EXOC5: variants seen among roughly 807,000 people sequenced by gnomAD.
EXOC5 encodes exocyst complex component 5, also known as SEC10-like 1.
A neutral mutation model predicts 90.8 loss-of-function variants in EXOC5; 17 were observed. The observed-to-expected ratio is 0.19, with a 90% CI of 0.13 to 0.28. The LOEUF is 0.28. Among genes scored for constraint, EXOC5 ranks in the 10% least tolerant of loss-of-function variants. The pLI is 1.00. For missense variants in EXOC5, 569 were observed against 830.6 expected, an observed-to-expected ratio of 0.69 and a Z score of 3.87; for synonymous variants, 260 against 270.0, an observed-to-expected ratio of 0.96 and a Z score of 0.36.
At chr14:57,224,341 T>C (rs1243123506) in intron 12 of EXOC5, among the ~76,000 whole-genome samples, 2 of 151,974 alleles carry the variant, frequency 1.3e-5, no homozygotes, top group Admixed American at 6.6e-5. Flanking sequence ...TCTAGCCAGA[T>C]TGATCAGAAA....
At chr14:57,216,218 C>T (rs1882967773) in intron 15 of EXOC5, among the ~76,000 whole-genome samples, 1 of 151,372 alleles carries the variant, frequency 6.6e-6, no homozygotes, top group Admixed American at 6.6e-5. Context: ...CCTGTCCATA[C>T]TACTCAAAGC....
rs780936039 is a variant in EXOC5 at position 57,204,188 on chromosome 14, G to A, written c.*4421C>T. Reference sequence around the variant, plus strand: ...TCAAATAATAATGATAAAATACCTCGGGTCTAGTTCAAAAATAGGAATTTT... The same window carrying A: ...TCAAATAATAATGATAAAATACCTCAGGTCTAGTTCAAAAATAGGAATTTT... On this transcript the variant is annotated 3_prime_UTR_variant, in exon 18 of 18. Transcript: ENST00000621441. 5.9e-5 allele frequency: 9 copies of A among 152,034 alleles called. No homozygotes were observed. Among genetic ancestry groups the A allele is most frequent in the African/African-American group, 7.2e-5 (3 of 41,420 alleles). 9.4% of individuals were successfully genotyped at this position (152,034 alleles called of 1,614,324 possible). A position where few individuals can be genotyped will look rare whatever the true frequency, so the allele number is the denominator to read the frequency against.
intron 1 of EXOC5, among the ~76,000 whole-genome samples, chr14:57,258,368 TA>T (rs1291040459): frequency 6.6e-6 from 1 of 152,004 alleles, no homozygotes; most frequent in Non-Finnish European, 1.5e-5. Flanking sequence ...TATGCAGCCA[TA>T]AAAAAGGATG....
At chr14:57,250,290 A>ACC (rs1487627949) in intron 1 of EXOC5, among the ~76,000 whole-genome samples, 1 of 152,136 alleles carries the variant, frequency 6.6e-6, no homozygotes, top group East Asian at 1.9e-4. Context: ...CAAGAGAGGT[A>ACC]ATGAGACTCC....
intron 5 of EXOC5, among the ~76,000 whole-genome samples, chr14:57,238,262 T>TCACCAC (rs1213713869): frequency 9.8e-6 from 1 of 102,058 alleles, no homozygotes; most frequent in African/African-American, 3.6e-5. Context: ...ACACTCATAT[T>TCACCAC]CACCACCACT....
chr14:57,218,919 C>T (rs1055387564), intron 14 of EXOC5, among the ~76,000 whole-genome samples: 6 of 151,892 alleles, frequency 4.0e-5, no homozygotes, highest in Admixed American at 3.9e-4. Flanking sequence ...AAAATCTGTC[C>T]CATTAATCTC....
chr14:57,214,629 T>C (rs1174493408), intron 15 of EXOC5, among the ~76,000 whole-genome samples: 1 of 152,034 alleles, frequency 6.6e-6, no homozygotes, highest in Non-Finnish European at 1.5e-5. Flanking sequence ...GTGGTACCAA[T>C]AACGTACATG....
At chr14:57,267,111 GA>G (rs956782957) in intron 1 of EXOC5, among the ~76,000 whole-genome samples, 1 of 152,008 alleles carries the variant, frequency 6.6e-6, no homozygotes, top group African/African-American at 2.4e-5. Context: ...ATAAAACAAG[GA>G]ACCACAGCAC....
rs141084439 is a variant in EXOC5, at chr14:57,237,475, C to T, written c.531-109G>A. ...TGGGTGCAGGAGATACGAGAACCAT[C>T]TGTACTATCTTTGCAACTTTTCTGT... is the stretch of plus-strand genomic sequence containing the variant. On this transcript the variant is annotated intron_variant, in intron 5 of 17. Transcript: ENST00000621441. 792 of 625,370 alleles carry T rather than the reference C, an allele frequency of 1.3e-3. 9 individuals are homozygous for T. In the East Asian group the frequency reaches 0.024, roughly 19 times the overall value. 38.7% of individuals were successfully genotyped at this position (625,370 alleles called of 1,614,324 possible).
At chr14:57,221,116 G>A (rs1324984628) in intron 13 of EXOC5, among the ~76,000 whole-genome samples, 1 of 152,160 alleles carries the variant, frequency 6.6e-6, no homozygotes, top group Non-Finnish European at 1.5e-5. Flanking sequence ...TTTAGCTAGG[G>A]TGATGATCAG....
chr14:57,235,981 T>C (rs1408560790), intron 6 of EXOC5, among the ~76,000 whole-genome samples, 161 bp from the exon 7 acceptor site: 2 of 152,202 alleles, frequency 1.3e-5, no homozygotes, highest in Non-Finnish European at 2.9e-5. Flanking sequence ...GCCCCTGTAA[T>C]ATACTGTGGC....
intron 1 of EXOC5, among the ~76,000 whole-genome samples, chr14:57,261,765 G>C (rs1447516676): frequency 6.6e-6 from 1 of 152,214 alleles, no homozygotes; most frequent in Non-Finnish European, 1.5e-5. Flanking sequence ...TTTACTGTTA[G>C]CTGGGAGTTC....
chr14:57,223,150 T>A (rs946544970), intron 12 of EXOC5, among the ~76,000 whole-genome samples: 46 of 152,060 alleles, frequency 3.0e-4, no homozygotes, highest in African/African-American at 1.1e-3. Context: ...CATAAAGTGT[T>A]TTTAGCACAG....
rs1883969892 is a variant in EXOC5, at chr14:57,244,375, A to G, written c.271-16T>C. On this transcript the variant is annotated splice_polypyrimidine_tract_variant and intron_variant, in intron 3 of 17. Transcript: ENST00000621441. ...GGAAGGCAACCTAGGAAAAATGTGCATAAGCATAAAATACAATCAGTGTGC... is the reference window on the plus strand; with the variant it reads ...GGAAGGCAACCTAGGAAAAATGTGCGTAAGCATAAAATACAATCAGTGTGC... 2 of 1,588,118 alleles carry G rather than the reference A, an allele frequency of 1.3e-6. No homozygotes were observed. Among genetic ancestry groups the G allele is most frequent in the Non-Finnish European group, 1.7e-6 (2 of 1,156,878 alleles).
intron 8 of EXOC5, 31 bp from the exon 9 acceptor site, chr14:57,233,914 CAT>C: frequency 6.2e-7 from 1 of 1,601,160 alleles, no homozygotes. Context: ...ATACAGTGAA[CAT>C]ATAATTTCTA....
chr14:57,208,976 A>T (rs2139605053), intron 17 of EXOC5, among the ~76,000 whole-genome samples, 179 bp from the exon 18 acceptor site: 1 of 152,306 alleles, frequency 6.6e-6, no homozygotes, highest in Non-Finnish European at 1.5e-5. Context: ...AGTTAAATAA[A>T]CTTGCTATAA....
rs375429284 is a variant in EXOC5, at chr14:57,249,158, A to G, written c.28-1446T>C. ...TATTTTACATACTTTATCATATTCA[A>G]TATGTACTATGGTAAGTAGTAAGTC... On this transcript the variant is annotated intron_variant, in intron 1 of 17. Coordinates refer to ENST00000621441, the MANE Select transcript of EXOC5 (RefSeq NM_006544.4). Among the ~76,000 whole-genome samples, 24 of 152,262 alleles carry G rather than the reference A, an allele frequency of 1.6e-4. No individual in the cohort carries two copies. The East Asian group carries it at 3.3e-3, about 21-fold the overall frequency.
At position 57,219,412 on chromosome 14, in the gene EXOC5, T is replaced by A. The variant is rs574733734; in HGVS notation, c.1436A>T (p.Asn479Ile). Residue 479 changes from asparagine to isoleucine, a missense_variant, in exon 14 of 18, where the codon AAT (asparagine) becomes ATT (isoleucine). Around this residue, in one of 9 missense-constraint regions of EXOC5, gnomAD observed 34 missense variants for 101.1 expected, o/e 0.34. Coordinates refer to ENST00000621441, the MANE Select transcript of EXOC5 (RefSeq NM_006544.4). The stretch of plus-strand genomic sequence containing the variant: ...TTGCACAACGTCCAAAAAATAAAGA[T>A]TTGCATTCCTAGAATCTGAAGAGGG... ...GIPSSDSRNANLYFLDVVQQA... is the reference protein window; with the variant it reads ...GIPSSDSRNAILYFLDVVQQA... The A allele has an allele frequency of 1.6e-4, 255 of 1,571,336 alleles. 2 individuals are homozygous for A. The South Asian group carries it at 3.0e-3, about 18-fold the overall frequency.
Position 57,233,525 on chromosome 14 carries a change from T to C in EXOC5, c.855+218A>G, listed in dbSNP as rs184271369. ...TACTACTACGAATACTACACAAATT[T>C]CAAGCATGTTCTCTGATGATACTTA... is the stretch of plus-strand genomic sequence containing the variant. On this transcript the variant is annotated intron_variant, in intron 9 of 17. Coordinates refer to ENST00000621441, the MANE Select transcript of EXOC5 (RefSeq NM_006544.4). Among the ~76,000 whole-genome samples, 146 of 152,220 alleles carry C rather than the reference T, an allele frequency of 9.6e-4. 1 individual carries two copies. The highest frequency in any genetic ancestry group is 3.3e-3 in the African/African-American group (139 of 41,572).
Sources: allele counts gnomAD v4.1 joint callset (sites outside exome capture counted in the v4.1 genomes callset), GRCh38; gene constraint gnomAD v4.1.1; regional missense constraint gnomAD v4.1.1; transcripts MANE v1.5; gene names NCBI Gene and HGNC (gene_info 2026-07-23, HGNC 2026-07-21).